Variants in CSDC2 observed in about 807,000 individuals in gnomAD.
The protein encoded by CSDC2 is cold shock domain containing C2, also known as cold shock domain-containing protein C2.
A neutral mutation model predicts 15.8 loss-of-function variants in CSDC2; 8 were observed. The ratio of observed to expected loss-of-function variants is 0.51; its 90% CI spans 0.30 to 0.92. The LOEUF (loss-of-function observed/expected upper bound fraction) is 0.92, where lower values mean the gene tolerates loss of function less well. Ranked by LOEUF, CSDC2 falls within the 40% of genes least tolerant of loss-of-function variation. The pLI is 0.07. For missense variants in CSDC2, 195 were observed against 213.3 expected (o/e 0.91, Z 0.53); for synonymous variants, 96 against 92.3 (o/e 1.04, Z -0.23).
At chr22:41,564,371 G>A (rs762823213) in intron 1 of CSDC2, among the ~76,000 whole-genome samples, 4 of 151,904 alleles carry the variant, frequency 2.6e-5, no homozygotes, top group Middle Eastern at 3.2e-3. Flanking sequence ...ACCATCCTCC[G>A]GCCTCAGGCC....
At chr22:41,563,603 C>T (rs1323776085) in intron 1 of CSDC2, among the ~76,000 whole-genome samples, 1 of 152,122 alleles carries the variant, frequency 6.6e-6, no homozygotes, top group Non-Finnish European at 1.5e-5. Context: ...CCTGGCTCCC[C>T]AGGAATTCCA....
Position 41,574,916 on chromosome 22 carries a change from G to T in CSDC2, c.*21G>T. 6.4e-7 allele frequency: 1 copy of T among 1,564,620 alleles called. No homozygotes were observed. The highest frequency in any genetic ancestry group is 8.7e-7 in the Non-Finnish European group (1 of 1,155,112). On this transcript the variant is annotated 3_prime_UTR_variant, in exon 4 of 4. Coordinates refer to ENST00000306149, the MANE Select transcript of CSDC2 (RefSeq NM_014460.4). ...CCTAGGCTGAGTGGTTCACAGGCCA[G>T]CTGGCCGGGGGTTGGGGAGCCACAC...
intron 1 of CSDC2, among the ~76,000 whole-genome samples, chr22:41,565,052 G>GCTA (rs929300962): frequency 6.6e-6 from 1 of 152,040 alleles, no homozygotes; most frequent in African/African-American, 2.4e-5. Flanking sequence ...TGTGATCCCA[G>GCTA]CTACTCGAGA....
rs537071142 is a variant in CSDC2 at position 41,573,244 on chromosome 22, A to T, written c.177-411A>T. 2.6e-5 allele frequency among the ~76,000 whole-genome samples: 4 copies of T among 151,854 alleles called. No homozygotes were observed. In the South Asian group the frequency reaches 8.3e-4, roughly 32 times the overall value. On this transcript the variant is annotated intron_variant, in intron 2 of 3. Coordinates refer to ENST00000306149, the MANE Select transcript of CSDC2 (RefSeq NM_014460.4). ...GTGGTGGGTGCCTGTAATCCCAGCT[A>T]CTCAGGAGGCTGAGGCATGAGAATT...
At chr22:41,562,859 G>A (rs2067094511) in intron 1 of CSDC2, among the ~76,000 whole-genome samples, 1 of 152,108 alleles carries the variant, frequency 6.6e-6, no homozygotes, top group South Asian at 2.1e-4. Context: ...AAAGCTGTGG[G>A]GTCACACTGA....
At position 41,575,155 on chromosome 22, in the gene CSDC2, T is replaced by G; in HGVS notation, c.*260T>G. ...CTGGCTTCGCGCTGTCCACTGCCTC[T>G]CTCCTCCCCTCCCTGCCGCAGACAC... On this transcript the variant is annotated 3_prime_UTR_variant, in exon 4 of 4. Coordinates refer to ENST00000306149, the MANE Select transcript of CSDC2 (RefSeq NM_014460.4). 1.9e-6 allele frequency: 1 copy of G among 531,014 alleles called. No homozygotes were observed. Among genetic ancestry groups the G allele is most frequent in the Non-Finnish European group, 3.4e-6 (1 of 296,758 alleles). The allele number at this position is 531,014 out of a possible 1,614,324, so 32.9% of individuals were successfully genotyped here. A position where few individuals can be genotyped will look rare whatever the true frequency, so the allele number is the denominator to read the frequency against.
At chr22:41,568,252 G>A (rs1009826627) in intron 1 of CSDC2, among the ~76,000 whole-genome samples, 2 of 149,452 alleles carry the variant, frequency 1.3e-5, no homozygotes, top group African/African-American at 2.5e-5. Context: ...AGCCTCCTGA[G>A]TAGCTGGGAC....
chr22:41,574,915 A>C lies in CSDC2; in HGVS notation c.*20A>C. 6.4e-7 allele frequency: 1 copy of C among 1,566,838 alleles called. No individual in the cohort carries two copies. The highest frequency in any genetic ancestry group is 1.2e-5 in the South Asian group (1 of 86,276). The stretch of plus-strand genomic sequence containing the variant: ...TCCTAGGCTGAGTGGTTCACAGGCC[A>C]GCTGGCCGGGGGTTGGGGAGCCACA... On this transcript the variant is annotated 3_prime_UTR_variant, in exon 4 of 4. Transcript: ENST00000306149.
intron 1 of CSDC2, among the ~76,000 whole-genome samples, chr22:41,569,521 T>G (rs2067134228): frequency 1.3e-5 from 2 of 152,218 alleles, no homozygotes; most frequent in Admixed American, 1.3e-4. Context: ...TCTGTGTTTT[T>G]GGGACTGGCT....
chr22:41,561,206 AG>A (rs2067082968), intron 1 of CSDC2, 23 bp downstream of exon 1: 1 of 152,630 alleles, frequency 6.6e-6, no homozygotes, highest in Non-Finnish European at 1.5e-5. Flanking sequence ...ATGGGGCCTG[AG>A]GACACTGTGC....
At position 41,574,883 on chromosome 22, in the gene CSDC2, C is replaced by T. The variant is rs770472000; in HGVS notation, c.450C>T (p.Val150=). ...CCCACGAGACGTGGTCTGGCCAGGT[C>T]GTGGGCTCCTAGGCTGAGTGGTTCA... ...HTPHETWSGQ[V]VGS The change falls in exon 4 of 4, where the codon GTC becomes GTT. Residue 150 remains valine (V), a synonymous_variant. Transcript: ENST00000306149. 1.3e-5 allele frequency: 21 copies of T among 1,596,076 alleles called. No homozygotes were observed. The highest frequency in any genetic ancestry group is 8.0e-5 in the African/African-American group (6 of 74,580).
chr22:41,573,354 C>CA (rs368902725), intron 2 of CSDC2, among the ~76,000 whole-genome samples: 168 of 138,016 alleles, frequency 1.2e-3, no homozygotes, highest in Middle Eastern at 3.8e-3. Flanking sequence ...GACCCTGTCT[C>CA]AAAAAAAAAA....
intron 1 of CSDC2, among the ~76,000 whole-genome samples, chr22:41,563,835 G>A (rs1433786230): frequency 7.2e-5 from 11 of 151,926 alleles, no homozygotes; most frequent in African/African-American, 2.4e-4. Context: ...ACTTTGGGAG[G>A]CTGAGGCGGG....
chr22:41,572,792 C>G (rs1369057570), intron 2 of CSDC2, among the ~76,000 whole-genome samples: 1 of 152,138 alleles, frequency 6.6e-6, no homozygotes, highest in Non-Finnish European at 1.5e-5. Context: ...GGTAGGTAGG[C>G]GGGACAAAGA....
At chr22:41,561,745 C>G (rs921927493) in intron 1 of CSDC2, among the ~76,000 whole-genome samples, 3 of 152,306 alleles carry the variant, frequency 2.0e-5, no homozygotes, top group Middle Eastern at 3.4e-3. Context: ...TGGTTATTCT[C>G]TTCCCCCAGG....
At chr22:41,566,381 T>C (rs956966361) in intron 1 of CSDC2, among the ~76,000 whole-genome samples, 2 of 145,154 alleles carry the variant, frequency 1.4e-5, no homozygotes, top group Non-Finnish European at 3.0e-5. Context: ...CAGGCAGAGG[T>C]TGCAGTGAGC....
intron 1 of CSDC2, among the ~76,000 whole-genome samples, chr22:41,568,965 G>C (rs1429216145): frequency 6.6e-6 from 1 of 152,228 alleles, no homozygotes; most frequent in Non-Finnish European, 1.5e-5. Flanking sequence ...CGTCTCCCTG[G>C]TAACCACCAT....
intron 1 of CSDC2, 52 bp from the exon 2 acceptor site, chr22:41,571,791 G>C: frequency 2.4e-6 from 1 of 411,678 alleles, no homozygotes; most frequent in Non-Finnish European, 4.2e-6. Flanking sequence ...CCAGGGTTCA[G>C]GAGCTGCTCC....
rs755675321 is a variant in CSDC2 at position 41,573,734 on chromosome 22, AC to A, written c.261del (p.Glu88ArgfsTer26). 1 of 1,613,282 alleles carries A rather than the reference AC, an allele frequency of 6.2e-7. No homozygotes were observed. Among genetic ancestry groups the A allele is most frequent in the Non-Finnish European group, 8.5e-7 (1 of 1,179,782 alleles). The stretch of plus-strand genomic sequence containing the variant: ...ACGCTCACAGGGCCATGGCTTCATC[AC>A]CCCCGAGAACGGGTCCGAGGACATC... ...FSRSQGHGFITPENGSEDIFV... is the reference protein window; with the variant it reads ...FSRSQGHGFIXPENGSEDIFV... On this transcript the variant is annotated frameshift_variant, in exon 3 of 4. Transcript: ENST00000306149. LOFTEE classifies it high-confidence loss of function.
Sources: allele counts gnomAD v4.1 joint callset (sites outside exome capture counted in the v4.1 genomes callset), GRCh38; gene constraint gnomAD v4.1.1; transcripts MANE v1.5; gene names NCBI Gene and HGNC (gene_info 2026-07-23, HGNC 2026-07-21).